SLAMF1: variants seen among roughly 807,000 people sequenced by gnomAD.
SLAMF1 encodes signaling lymphocytic activation molecule family member 1.
Under a neutral mutation model 35.1 loss-of-function variants are expected in SLAMF1, and 18 were observed. The ratio of observed to expected loss-of-function variants is 0.51; its 90% CI spans 0.35 to 0.76. SLAMF1 has a LOEUF of 0.76. Ranked by LOEUF, SLAMF1 falls within the 30% of genes least tolerant of loss-of-function variation. The pLI is 0.01. For missense variants in SLAMF1, 392 were observed against 413.0 expected (o/e 0.95, Z 0.44); for synonymous variants, 168 against 157.2 (o/e 1.07, Z -0.51).
chr1:160,621,855 C>CGTGTGT (rs59676823), intron 4 of SLAMF1, among the ~76,000 whole-genome samples: 20,739 of 145,156 alleles, frequency 0.14, 1,587 homozygotes, highest in Non-Finnish European at 0.16. Flanking sequence ...TGCGTGAGTG[C>CGTGTGT]GTGTGTGTGT....
At position 160,610,641 on chromosome 1, in the gene SLAMF1, G is replaced by C; in HGVS notation, c.*107C>G. 1.3e-6 allele frequency: 1 copy of C among 778,160 alleles called. No individual in the cohort carries two copies. The highest frequency in any genetic ancestry group is 1.5e-5 in the South Asian group (1 of 68,000). The allele number at this position is 778,160 out of a possible 1,614,324, so 48.2% of individuals were successfully genotyped here. A position where few individuals can be genotyped will look rare whatever the true frequency, so the allele number is the denominator to read the frequency against. ...AGGGAGTTGATCTGAGAAGGGTACA[G>C]ACGTGCAGCATGTCTGCCAGAGGAA... On this transcript the variant is annotated 3_prime_UTR_variant, in exon 7 of 7. Transcript: ENST00000302035.
In SLAMF1 at chr1:160,634,606, T is replaced by C. The variant is rs1386195145; in HGVS notation, c.700+7A>G. On this transcript the variant is annotated splice_region_variant and intron_variant, in intron 3 of 6. Coordinates refer to ENST00000302035, the MANE Select transcript of SLAMF1 (RefSeq NM_003037.5). ...GGTGGCACACAGGCTGCCACCAGTG[T>C]ACTCACCTGAGGGGTCTGTCCTGCA... 2.5e-6 allele frequency: 4 copies of C among 1,589,220 alleles called. No homozygotes were observed. The highest frequency in any genetic ancestry group is 3.4e-6 in the Non-Finnish European group (4 of 1,165,098).
intron 3 of SLAMF1, among the ~76,000 whole-genome samples, chr1:160,626,806 T>C (rs1418642230): frequency 6.6e-6 from 1 of 152,174 alleles, no homozygotes; most frequent in Admixed American, 6.5e-5. Flanking sequence ...CCATCCTTCA[T>C]CATCCTCCAT....
chr1:160,622,582 C>G (rs937925848), intron 4 of SLAMF1, among the ~76,000 whole-genome samples: 8 of 152,122 alleles, frequency 5.3e-5, no homozygotes, highest in African/African-American at 1.9e-4. Context: ...ATCTATCTGT[C>G]TATGTATCTA....
chr1:160,635,571 CTTTT>C (rs36085536), intron 2 of SLAMF1, among the ~76,000 whole-genome samples: 2 of 136,890 alleles, frequency 1.5e-5, no homozygotes. Flanking sequence ...CATTCATCAT[CTTTT>C]TTTTTTTTTT....
chr1:160,616,841 T>C (rs1659324937), intron 5 of SLAMF1, among the ~76,000 whole-genome samples: 1 of 152,226 alleles, frequency 6.6e-6, no homozygotes, highest in South Asian at 2.1e-4. Flanking sequence ...AGACTGTTAA[T>C]ACCAAGTTTT....
intron 3 of SLAMF1, among the ~76,000 whole-genome samples, chr1:160,629,263 T>C (rs182634027): frequency 6.6e-6 from 1 of 152,184 alleles, no homozygotes; most frequent in East Asian, 1.9e-4. Context: ...GCGTTTTTTT[T>C]CTTGTCTCTG....
chr1:160,635,851 T>TC (rs1660428426), intron 2 of SLAMF1, among the ~76,000 whole-genome samples: 1 of 152,094 alleles, frequency 6.6e-6, no homozygotes, highest in Non-Finnish European at 1.5e-5. Flanking sequence ...AGTGCTGAGA[T>TC]TACAGGCGTG....
At chr1:160,646,261 TCCCAA>T (rs1426828104) in intron 1 of SLAMF1, among the ~76,000 whole-genome samples, 1 of 152,118 alleles carries the variant, frequency 6.6e-6, no homozygotes, top group African/African-American at 2.4e-5. Context: ...CCTTCAGAAA[TCCCAA>T]CTTCTTCCCT....
intron 1 of SLAMF1, among the ~76,000 whole-genome samples, chr1:160,640,428 A>G (rs1239653030): frequency 2.0e-5 from 3 of 150,288 alleles, no homozygotes; most frequent in Non-Finnish European, 4.4e-5. Context: ...ACATATATAT[A>G]TATCTGAACT....
At chr1:160,640,325 C>CACATATATATATATAT (rs1303073948) in intron 1 of SLAMF1, among the ~76,000 whole-genome samples, 4 of 94,158 alleles carry the variant, frequency 4.2e-5, no homozygotes, top group African/African-American at 1.7e-4. Flanking sequence ...TTAGGTTTGT[C>CACATATATATATATAT]ATATATATAT....
chr1:160,637,306 C>T lies in SLAMF1; in HGVS notation c.300G>A (p.Leu100=). 2 of 1,613,856 alleles carry T rather than the reference C, an allele frequency of 1.2e-6. No individual in the cohort carries two copies. The highest frequency in any genetic ancestry group is 8.5e-7 in the Non-Finnish European group (1 of 1,179,794). Residue 100 remains leucine (L), a synonymous_variant, in exon 2 of 7, where the codon CTG becomes CTA. Transcript: ENST00000302035. ...CCCGTATCCCCAGGGTGAGATTCTC[C>T]AGATAAAACTTGTAGCGATCTCCTA... ...RYLGDRYKFY[L]ENLTLGIRES... is the part of the protein sequence containing the mutation.
At chr1:160,615,289 T>C (rs1040259974) in intron 5 of SLAMF1, among the ~76,000 whole-genome samples, 1 of 152,132 alleles carries the variant, frequency 6.6e-6, no homozygotes, top group Admixed American at 6.5e-5. Flanking sequence ...ATTCAAATAA[T>C]GACAAAACGG....
chr1:160,628,424 C>G (rs933943328), intron 3 of SLAMF1, among the ~76,000 whole-genome samples: 1 of 152,200 alleles, frequency 6.6e-6, no homozygotes, highest in Non-Finnish European at 1.5e-5. Flanking sequence ...CACCTGCCTT[C>G]TAGCATTTAT....
intron 1 of SLAMF1, among the ~76,000 whole-genome samples, chr1:160,643,848 C>T (rs1335488116): frequency 3.9e-5 from 6 of 152,146 alleles, no homozygotes; most frequent in Admixed American, 3.3e-4. Flanking sequence ...CTATCAAACA[C>T]GAAGACCTAT....
intron 6 of SLAMF1, among the ~76,000 whole-genome samples, chr1:160,611,737 A>G (rs953427252): frequency 6.6e-6 from 1 of 152,166 alleles, no homozygotes; most frequent in Non-Finnish European, 1.5e-5. Flanking sequence ...GCTGCACCCC[A>G]TATTCTCTTC....
At chr1:160,627,820 T>C (rs1488863552) in intron 3 of SLAMF1, among the ~76,000 whole-genome samples, 2 of 152,142 alleles carry the variant, frequency 1.3e-5, no homozygotes, top group Non-Finnish European at 2.9e-5. Context: ...ATCAGTGATA[T>C]GGTTTGGCCA....
intron 2 of SLAMF1, among the ~76,000 whole-genome samples, chr1:160,636,225 C>A (rs951423681): frequency 6.6e-6 from 1 of 152,210 alleles, no homozygotes; most frequent in East Asian, 1.9e-4. Flanking sequence ...CCTGGAGCCA[C>A]TGCTGGAAAT....
chr1:160,646,783 G>T, intron 1 of SLAMF1, 87 bp downstream of exon 1: 1 of 746,034 alleles, frequency 1.3e-6, no homozygotes, highest in Non-Finnish European at 2.4e-6. Context: ...ACAATACCCA[G>T]CCCTGCACCT....
Sources: allele counts gnomAD v4.1 joint callset (sites outside exome capture counted in the v4.1 genomes callset), GRCh38; gene constraint gnomAD v4.1.1; transcripts MANE v1.5; gene names NCBI Gene and HGNC (gene_info 2026-07-23, HGNC 2026-07-21).